The following SGCD variants were observed in gnomAD, a reference collection of about 807,000 sequenced individuals.
The protein encoded by SGCD is sarcoglycan delta.
In SGCD, 18 loss-of-function variants were observed where a neutral mutation model predicts 36.6. The ratio of observed to expected loss-of-function variants is 0.49; its 90% CI spans 0.34 to 0.73. The LOEUF (loss-of-function observed/expected upper bound fraction) is 0.73. Among genes scored for constraint, SGCD ranks in the 30% least tolerant of loss-of-function variants. The pLI is 0.01. For synonymous variants in SGCD, 133 were observed against 130.6 expected, an observed-to-expected ratio of 1.02 and a Z score of -0.12; for missense variants, 387 against 346.7, an observed-to-expected ratio of 1.12 and a Z score of -0.92.
intron 3 of SGCD, among the ~76,000 whole-genome samples, chr5:156,345,783 T>C (rs1768908615): frequency 6.6e-6 from 1 of 152,094 alleles, no homozygotes; most frequent in Non-Finnish European, 1.5e-5. Context: ...AACAGTAAAA[T>C]TTTCATGTGA....
chr5:156,484,618 G>A (rs141738621), intron 3 of SGCD, among the ~76,000 whole-genome samples: 25 of 152,054 alleles, frequency 1.6e-4, no homozygotes, highest in East Asian at 3.9e-4. Context: ...CCTCTTATCC[G>A]GATACTCGGA....
intron 3 of SGCD, among the ~76,000 whole-genome samples, chr5:156,262,577 G>A (rs1008759223): frequency 1.3e-5 from 2 of 152,026 alleles, no homozygotes; most frequent in African/African-American, 4.8e-5. Context: ...AACAGGTGGT[G>A]TTTGGTTACA....
chr5:156,497,909 C>T (rs1756268202), intron 3 of SGCD, among the ~76,000 whole-genome samples: 2 of 152,058 alleles, frequency 1.3e-5, no homozygotes, highest in African/African-American at 4.8e-5. Flanking sequence ...TTATAATGCT[C>T]CCTAGAAAAG....
chr5:156,422,392 C>G (rs1254434049), intron 3 of SGCD, among the ~76,000 whole-genome samples: 1 of 151,894 alleles, frequency 6.6e-6, no homozygotes, highest in South Asian at 2.1e-4. Flanking sequence ...CAAAGAAAAG[C>G]CTGTAGTGAG....
At chr5:155,854,198 A>C in the SGCD span, among the ~76,000 whole-genome samples, 1 of 152,116 alleles carries the variant, frequency 6.6e-6, no homozygotes, top group Admixed American at 6.6e-5. Context: ...TGTGCTTTTT[A>C]GGGTGGGTAG....
intron 1 of SGCD, among the ~76,000 whole-genome samples, chr5:155,904,610 A>G (rs549218417): frequency 6.6e-6 from 1 of 152,288 alleles, no homozygotes; most frequent in South Asian, 2.1e-4. Context: ...TTTTCTAGAC[A>G]ATTCTTTTCG....
At position 156,269,867 on chromosome 5, in the gene SGCD, CTTAAGT is replaced by C. The variant is rs1766126054; in HGVS notation, c.-43-59662_-43-59657del. Among the ~76,000 whole-genome samples, 6 of 152,296 alleles carry C rather than the reference CTTAAGT, an allele frequency of 3.9e-5. No homozygotes were observed. In the South Asian group the frequency reaches 1.2e-3, roughly 32 times the overall value. ...TTGATTGTTTTGCTGTTCAGAAACTCTTAAGTTTAATTAGATCTCATTTGTCACTTT... is the reference window on the plus strand; with the variant it reads ...TTGATTGTTTTGCTGTTCAGAAACTCTTAATTAGATCTCATTTGTCACTTT... On this transcript the variant is annotated intron_variant, in intron 3 of 9. Coordinates refer to the SGCD transcript ENST00000517913.
intron 1 of SGCD, among the ~76,000 whole-genome samples, chr5:155,970,226 C>T (rs559315784): frequency 6.6e-6 from 1 of 152,204 alleles, no homozygotes; most frequent in African/African-American, 2.4e-5. Context: ...CCATTTCACC[C>T]ATCAGCTTAC....
At chr5:156,493,717 G>A (rs939801546) in intron 3 of SGCD, among the ~76,000 whole-genome samples, 4 of 152,108 alleles carry the variant, frequency 2.6e-5, no homozygotes, top group Non-Finnish European at 4.4e-5. Flanking sequence ...TTGATTTCCA[G>A]TTAAAATTAT....
the SGCD span, among the ~76,000 whole-genome samples, chr5:155,763,448 C>T: frequency 6.6e-6 from 1 of 152,118 alleles, no homozygotes; most frequent in Non-Finnish European, 1.5e-5. Flanking sequence ...TTATAAAAAT[C>T]TCCTTTACTA....
chr5:156,621,260 C>T lies in SGCD; in HGVS notation c.503-26204C>T, dbSNP rs185932068. ...AGGCTGGAGTGCAGTGGCACAATCTCGGCTTACTGCAACCTCCGACTCTCA... is the reference window on the plus strand; with the variant it reads ...AGGCTGGAGTGCAGTGGCACAATCTTGGCTTACTGCAACCTCCGACTCTCA... On this transcript the variant is annotated intron_variant, in intron 6 of 8. Coordinates refer to ENST00000337851, the MANE Select transcript of SGCD (RefSeq NM_000337.6). 2.1e-4 allele frequency among the ~76,000 whole-genome samples: 32 copies of T among 152,242 alleles called. No individual in the cohort carries two copies. In the East Asian group the frequency reaches 4.8e-3, roughly 23 times the overall value.
chr5:156,333,641 A>G (rs1389153975), intron 2 of SGCD, among the ~76,000 whole-genome samples: 2 of 152,134 alleles, frequency 1.3e-5, no homozygotes, highest in African/African-American at 2.4e-5. Context: ...TCATTGGCTC[A>G]ACTGTAAAAT....
rs80266841 is a variant in SGCD, at chr5:156,476,897, T to A, written c.193-31704T>A. Among the ~76,000 whole-genome samples the A allele has an allele frequency of 1.5e-3, 227 of 152,292 alleles. 2 individuals are homozygous for A. Among genetic ancestry groups the A allele is most frequent in the African/African-American group, 5.2e-3 (215 of 41,566 alleles). On this transcript the variant is annotated intron_variant, in intron 3 of 8. Transcript: ENST00000337851. The stretch of plus-strand genomic sequence containing the variant: ...AGTCACAGGTTTGTCTTGAAATAGA[T>A]CTTAGCGCTGTGATCTCAGCAGGGA...
chr5:156,310,322 T>A (rs2135036), intron 3 of SGCD, among the ~76,000 whole-genome samples: 101,740 of 152,040 alleles, frequency 0.67, 34,276 homozygotes, highest in East Asian at 0.92. Context: ...CACTGGAGGG[T>A]TGTGCAACAG....
At chr5:155,768,032 T>G in the SGCD span, among the ~76,000 whole-genome samples, 8 of 152,180 alleles carry the variant, frequency 5.3e-5, no homozygotes, top group Non-Finnish European at 5.9e-5. Flanking sequence ...CATGGACCCC[T>G]GTACTTCTTA....
At chr5:155,794,217 G>C in the SGCD span, among the ~76,000 whole-genome samples, 1 of 151,986 alleles carries the variant, frequency 6.6e-6, no homozygotes, top group Non-Finnish European at 1.5e-5. Flanking sequence ...AATTATTTTT[G>C]CCTAGCAGAA....
chr5:156,119,514 C>A (rs553231851), intron 2 of SGCD, among the ~76,000 whole-genome samples: 1 of 152,212 alleles, frequency 6.6e-6, no homozygotes, highest in East Asian at 1.9e-4. Flanking sequence ...CACGATCACA[C>A]TTCTTAAGAG....
At chr5:156,490,220 ATCT>A (rs1581067770) in intron 3 of SGCD, among the ~76,000 whole-genome samples, 1 of 152,148 alleles carries the variant, frequency 6.6e-6, no homozygotes, top group African/African-American at 2.4e-5. Flanking sequence ...GTAATTAAAA[ATCT>A]TCTAACAAAG....
intron 4 of SGCD, among the ~76,000 whole-genome samples, chr5:156,550,399 G>A (rs1413467472): frequency 2.0e-5 from 3 of 152,150 alleles, no homozygotes; most frequent in Non-Finnish European, 4.4e-5. Flanking sequence ...AGTGCTTCAC[G>A]ACACTTCTGC....
Sources: gnomAD v4.1 joint callset for allele counts (sites outside exome capture counted in the v4.1 genomes callset) on GRCh38, gnomAD v4.1.1 for gene constraint, MANE v1.5 for transcripts, NCBI Gene and HGNC (gene_info 2026-07-23, HGNC 2026-07-21) for gene names.